Variants in MAML1 observed in about 807,000 individuals in gnomAD.
MAML1 encodes the protein mastermind like transcriptional coactivator 1.
MAML1 carries 14 observed loss-of-function variants against 77.1 expected under a neutral mutation model. The ratio of observed to expected loss-of-function variants is 0.18; its 90% CI spans 0.12 to 0.28. The LOEUF (loss-of-function observed/expected upper bound fraction) is 0.28. MAML1 is among the 10% of genes least tolerant of loss of function. MAML1 has a pLI of 1.00. For synonymous variants in MAML1, 516 were observed against 551.9 expected, an observed-to-expected ratio of 0.93 and a Z score of 0.91; for missense variants, 1,217 against 1,327.8, an observed-to-expected ratio of 0.92 and a Z score of 1.30.
chr5:179,740,362 C>A (rs1358955296), intron 1 of MAML1, among the ~76,000 whole-genome samples: 1 of 152,136 alleles, frequency 6.6e-6, no homozygotes, highest in African/African-American at 2.4e-5. Context: ...GCTCCGCCTC[C>A]CGGGTTCACG....
At position 179,775,988 on chromosome 5, in the gene MAML1, T is replaced by C. The variant is rs1020983990; in HGVS notation, c.*1111T>C. 21 of 985,702 alleles carry C rather than the reference T, an allele frequency of 2.1e-5. No individual in the cohort carries two copies. The African/African-American group carries it at 3.5e-4, about 16-fold the overall frequency. 61.1% of individuals were successfully genotyped at this position (985,702 alleles called of 1,614,324 possible). A position where few individuals can be genotyped will look rare whatever the true frequency, so the allele number is the denominator to read the frequency against. ...GGTTTGACAACTTCTGCCACTCCCA[T>C]GTCAGATGACTTGCACTTCTTAAAG... is the stretch of plus-strand genomic sequence containing the variant. On this transcript the variant is annotated 3_prime_UTR_variant, in exon 5 of 5. Transcript: ENST00000292599.
Position 179,777,125 on chromosome 5 carries a change from G to C in MAML1, c.*2248G>C, listed in dbSNP as rs1756151347. On this transcript the variant is annotated 3_prime_UTR_variant, in exon 5 of 5. Transcript: ENST00000292599. ...AGCTATGATAAGTTTTATGGCAAAC[G>C]GTTGGTATTGTTAACTTTTTATTGT... 1.0e-6 allele frequency: 1 copy of C among 985,470 alleles called. No homozygotes were observed. Among genetic ancestry groups the C allele is most frequent in the African/African-American group, 1.7e-5 (1 of 57,202 alleles). The allele number at this position is 985,470 out of a possible 1,614,324, so 61.0% of individuals were successfully genotyped here.
At chr5:179,750,173 ATAGTGAAATAG>A (rs1436949441) in intron 1 of MAML1, among the ~76,000 whole-genome samples, 3 of 152,226 alleles carry the variant, frequency 2.0e-5, no homozygotes, top group Non-Finnish European at 4.4e-5. Flanking sequence ...AGCTGCCCAA[ATAGTGAAATAG>A]TAAATAAAAT....
intron 1 of MAML1, 50 bp from the exon 2 acceptor site, chr5:179,765,276 G>A: frequency 6.7e-7 from 1 of 1,499,930 alleles, no homozygotes; most frequent in Non-Finnish European, 9.0e-7. Flanking sequence ...TACTGTCATA[G>A]CAGAGCAAAT....
At chr5:179,757,172 T>C (rs952495247) in intron 1 of MAML1, among the ~76,000 whole-genome samples, 8 of 152,136 alleles carry the variant, frequency 5.3e-5, no homozygotes, top group Non-Finnish European at 1.0e-4. Context: ...ATATACAGCC[T>C]GTACAGAGCA....
At chr5:179,758,209 C>T (rs972113298) in intron 1 of MAML1, among the ~76,000 whole-genome samples, 5 of 152,242 alleles carry the variant, frequency 3.3e-5, no homozygotes, top group African/African-American at 4.8e-5. Flanking sequence ...ATGTCCTCGA[C>T]AAGTGGATTC....
chr5:179,773,703 G>A (rs1393746775), intron 4 of MAML1, 192 bp from the exon 5 acceptor site: 1 of 980,070 alleles, frequency 1.0e-6, no homozygotes, highest in Non-Finnish European at 1.2e-6. Flanking sequence ...CTTCCTCTGT[G>A]CCTTTCTGAA....
At position 179,733,045 on chromosome 5, in the gene MAML1, C is replaced by A; in HGVS notation, c.-68C>A. 9.9e-7 allele frequency: 1 copy of A among 1,010,280 alleles called. No homozygotes were observed. The highest frequency in any genetic ancestry group is 1.3e-6 in the Non-Finnish European group (1 of 789,426). 62.6% of individuals were successfully genotyped at this position (1,010,280 alleles called of 1,614,324 possible). On this transcript the variant is annotated 5_prime_UTR_variant, in exon 1 of 5. Transcript: ENST00000292599. ...GGCGGAGAGGGGTAGCCGCGGGGAG[C>A]GAAGCCCGCAGTGCCAGCCGGCCCC...
intron 4 of MAML1, 25 bp from the exon 5 acceptor site, chr5:179,773,870 T>C (rs546288419): frequency 6.3e-7 from 1 of 1,593,246 alleles, no homozygotes; most frequent in Non-Finnish European, 8.6e-7. Flanking sequence ...GACTCCTGAC[T>C]GCCAGACTCT....
At chr5:179,740,465 G>A (rs1393844256) in intron 1 of MAML1, among the ~76,000 whole-genome samples, 3 of 151,788 alleles carry the variant, frequency 2.0e-5, no homozygotes, top group African/African-American at 7.3e-5. Context: ...TTTTAGTAGA[G>A]ACGGGTTTCA....
chr5:179,769,275 G>A lies in MAML1; in HGVS notation c.1971+186G>A, dbSNP rs879330662. Among the ~76,000 whole-genome samples, 2 of 152,140 alleles carry A rather than the reference G, an allele frequency of 1.3e-5. No individual in the cohort carries two copies. The highest frequency in any genetic ancestry group is 2.9e-5 in the Non-Finnish European group (2 of 68,030). On this transcript the variant is annotated intron_variant, in intron 3 of 4. Transcript: ENST00000292599. The surrounding 1 kb of genome is among the most constrained non-coding windows in gnomAD (Gnocchi z 4.2). ...GCATTTCTCAGACAGGGGTAGTCTT[G>A]TCAGAAGCTGCTTCGTGTCACTTAG...
chr5:179,737,217 T>G, intron 1 of MAML1, among the ~76,000 whole-genome samples: 1 of 152,030 alleles, frequency 6.6e-6, no homozygotes, highest in East Asian at 1.9e-4. Flanking sequence ...CCTTGACTTA[T>G]GGATTTCTTG....
At chr5:179,768,090 G>A (rs1013871119) in intron 2 of MAML1, among the ~76,000 whole-genome samples, 1 of 152,244 alleles carries the variant, frequency 6.6e-6, no homozygotes, top group African/African-American at 2.4e-5. Flanking sequence ...GGGTCGTTCA[G>A]GGATAGCCCG....
intron 1 of MAML1, among the ~76,000 whole-genome samples, chr5:179,762,756 C>A (rs1779745895): frequency 6.6e-6 from 1 of 152,186 alleles, no homozygotes; most frequent in Non-Finnish European, 1.5e-5. Flanking sequence ...GCTCACTCAT[C>A]CTTGCCCTGC....
At position 179,764,791 on chromosome 5, in the gene MAML1, G is replaced by A. The variant is rs1159346111; in HGVS notation, c.316-535G>A. 5.9e-5 allele frequency among the ~76,000 whole-genome samples: 9 copies of A among 152,090 alleles called. No homozygotes were observed. In the South Asian group the frequency reaches 6.2e-4, roughly 11 times the overall value. ...AGCCTGGCCAACATGGTGAAACCCC[G>A]TCCCTACCAAAAAATACCGGAAGTT... On this transcript the variant is annotated intron_variant, in intron 1 of 4. Transcript: ENST00000292599.
Position 179,775,278 on chromosome 5 carries a change from G to C in MAML1, c.*401G>C. 1.0e-6 allele frequency: 1 copy of C among 999,760 alleles called. No homozygotes were observed. Among genetic ancestry groups the C allele is most frequent in the South Asian group, 4.6e-5 (1 of 21,526 alleles). 61.9% of individuals were successfully genotyped at this position (999,760 alleles called of 1,614,324 possible). A position where few individuals can be genotyped will look rare whatever the true frequency, so the allele number is the denominator to read the frequency against. On this transcript the variant is annotated 3_prime_UTR_variant, in exon 5 of 5. Transcript: ENST00000292599. ...ACCCCAGTGCTGGGGACAAGTTTCT[G>C]TTGAAACTTTAGATAGCAGAATTAT... is the stretch of plus-strand genomic sequence containing the variant.
intron 1 of MAML1, among the ~76,000 whole-genome samples, chr5:179,746,050 A>C (rs1779374235): frequency 6.8e-6 from 1 of 146,710 alleles, no homozygotes; most frequent in African/African-American, 2.5e-5. Flanking sequence ...AAAAAACAAA[A>C]CCAAAAAAAA....
chr5:179,738,704 A>G (rs1269116932), intron 1 of MAML1, among the ~76,000 whole-genome samples: 1 of 152,048 alleles, frequency 6.6e-6, no homozygotes, highest in East Asian at 1.9e-4. Context: ...CTATGGTAAT[A>G]TGCCTTCTAC....
chr5:179,769,263 A>G lies in MAML1; in HGVS notation c.1971+174A>G, dbSNP rs1309075558. On this transcript the variant is annotated intron_variant, in intron 3 of 4. Transcript: ENST00000292599. This position sits in a 1 kb window ranked among gnomAD's most constrained non-coding sequence, Gnocchi z 4.2. ...TCCAGGAATGTGGCATTTCTCAGACAGGGGTAGTCTTGTCAGAAGCTGCTT... is the reference window on the plus strand; with the variant it reads ...TCCAGGAATGTGGCATTTCTCAGACGGGGGTAGTCTTGTCAGAAGCTGCTT... 2.0e-5 allele frequency among the ~76,000 whole-genome samples: 3 copies of G among 152,154 alleles called. No individual in the cohort carries two copies. Among genetic ancestry groups the G allele is most frequent in the Admixed American group, 2.0e-4 (3 of 15,268 alleles).
Sources: gnomAD v4.1 joint callset for allele counts (sites outside exome capture counted in the v4.1 genomes callset) on GRCh38, gnomAD v4.1.1 for gene constraint, Gnocchi (gnomAD v3.1) non-coding constraint, MANE v1.5 for transcripts, NCBI Gene and HGNC (gene_info 2026-07-23, HGNC 2026-07-21) for gene names.